The following TFEC variants were observed in gnomAD, a reference collection of about 807,000 sequenced individuals.
TFEC encodes the protein transcription factor EC, also known as class E basic helix-loop-helix protein 34.
TFEC carries 31 observed loss-of-function variants against 41.6 expected under a neutral mutation model. The observed-to-expected ratio is 0.74, with a 90% CI of 0.56 to 1.01. The LOEUF (loss-of-function observed/expected upper bound fraction) is 1.01, where lower values mean the gene tolerates loss of function less well. Ranked by LOEUF, TFEC falls within the 50% of genes least tolerant of loss-of-function variation. The probability of loss-of-function intolerance (pLI) is 0.00; values close to 1 mark genes in which losing one functional copy is unlikely to be tolerated. For missense variants in TFEC, 402 were observed against 404.1 expected, an observed-to-expected ratio of 0.99 and a Z score of 0.04; for synonymous variants, 143 against 140.6, an observed-to-expected ratio of 1.02 and a Z score of -0.12.
intron 3 of TFEC, among the ~76,000 whole-genome samples, chr7:116,071,962 T>C (rs1796839815): frequency 6.6e-6 from 1 of 151,510 alleles, no homozygotes; most frequent in Non-Finnish European, 1.5e-5. Flanking sequence ...CAGAAATACA[T>C]AAAAGACCTT....
chr7:115,953,447 G>T (rs181754402), intron 5 of TFEC, among the ~76,000 whole-genome samples: 4 of 152,116 alleles, frequency 2.6e-5, no homozygotes, highest in African/African-American at 9.6e-5. Flanking sequence ...TGTAGCAGGT[G>T]TATCTAGATT....
intron 3 of TFEC, among the ~76,000 whole-genome samples, chr7:115,960,088 C>T (rs1045907937): frequency 6.6e-6 from 1 of 150,728 alleles, no homozygotes; most frequent in African/African-American, 2.4e-5. Flanking sequence ...GACCTGCATT[C>T]AGATATATTA....
intron 3 of TFEC, among the ~76,000 whole-genome samples, chr7:116,050,246 AAAG>A (rs1235209542): frequency 1.3e-5 from 2 of 152,200 alleles, no homozygotes; most frequent in African/African-American, 4.8e-5. Context: ...CAAGACTAAT[AAAG>A]AAGAAAAGAG....
At chr7:116,002,009 C>T (rs1794617737) in intron 1 of TFEC, among the ~76,000 whole-genome samples, 1 of 152,022 alleles carries the variant, frequency 6.6e-6, no homozygotes, top group South Asian at 2.1e-4. Flanking sequence ...GCTTTTAATC[C>T]AAAAGACAGG....
At chr7:116,038,576 G>A (rs1440159651) in intron 3 of TFEC, among the ~76,000 whole-genome samples, 1 of 151,994 alleles carries the variant, frequency 6.6e-6, no homozygotes, top group Non-Finnish European at 1.5e-5. Flanking sequence ...ATTTCATGGA[G>A]GCTACCATCT....
At chr7:116,064,853 C>T (rs994679883) in intron 3 of TFEC, among the ~76,000 whole-genome samples, 3 of 152,068 alleles carry the variant, frequency 2.0e-5, no homozygotes, top group African/African-American at 7.2e-5. Flanking sequence ...CACAGGTACC[C>T]CTGAAAATAA....
intron 6 of TFEC, among the ~76,000 whole-genome samples, chr7:115,949,386 C>T (rs1458572288): frequency 6.6e-5 from 10 of 152,008 alleles, no homozygotes; most frequent in Non-Finnish European, 1.0e-4. Flanking sequence ...GAGCCTACAT[C>T]GCCAAGTCAA....
At chr7:116,073,055 T>C (rs1032281332) in intron 3 of TFEC, among the ~76,000 whole-genome samples, 4 of 151,594 alleles carry the variant, frequency 2.6e-5, no homozygotes, top group African/African-American at 9.7e-5. Context: ...ATACTATCTC[T>C]GTTTGTAGAT....
chr7:116,006,472 T>A (rs1293699040), intron 1 of TFEC, among the ~76,000 whole-genome samples: 1 of 152,236 alleles, frequency 6.6e-6, no homozygotes, highest in East Asian at 1.9e-4. Flanking sequence ...CAGATTTGCA[T>A]AGGGCCTGTA....
chr7:115,980,824 G>A (rs1793599133), intron 2 of TFEC, among the ~76,000 whole-genome samples: 1 of 151,682 alleles, frequency 6.6e-6, no homozygotes, highest in Non-Finnish European at 1.5e-5. Flanking sequence ...AAACCATAGT[G>A]CTGTTTAAAA....
intron 2 of TFEC, among the ~76,000 whole-genome samples, chr7:115,980,715 A>C (rs1321404970): frequency 6.6e-6 from 1 of 151,984 alleles, no homozygotes; most frequent in East Asian, 1.9e-4. Flanking sequence ...GTGCCACTGC[A>C]CTCCAGCCTG....
chr7:116,043,790 C>A (rs1188099698), intron 3 of TFEC, among the ~76,000 whole-genome samples: 2 of 152,132 alleles, frequency 1.3e-5, no homozygotes, highest in Admixed American at 1.3e-4. Flanking sequence ...TTAACATACA[C>A]TGAGAAATCC....
intron 3 of TFEC, among the ~76,000 whole-genome samples, chr7:116,068,077 T>C (rs1796736941): frequency 6.6e-6 from 1 of 151,918 alleles, no homozygotes; most frequent in South Asian, 2.1e-4. Flanking sequence ...TTGCTTGTTT[T>C]GAAAAGGAAT....
intron 1 of TFEC, among the ~76,000 whole-genome samples, chr7:116,154,743 A>C (rs1798832556): frequency 6.6e-6 from 1 of 152,154 alleles, no homozygotes; most frequent in Admixed American, 6.5e-5. Flanking sequence ...TGCAAACTCT[A>C]TCTTCTAGAA....
At chr7:116,099,885 A>G (rs1797565301) in intron 3 of TFEC, among the ~76,000 whole-genome samples, 1 of 152,246 alleles carries the variant, frequency 6.6e-6, no homozygotes, top group Non-Finnish European at 1.5e-5. Context: ...CCAATTGTGT[A>G]GTTGAGTGCT....
intron 1 of TFEC, among the ~76,000 whole-genome samples, chr7:116,010,902 C>T (rs1794977619): frequency 6.6e-6 from 1 of 152,078 alleles, no homozygotes; most frequent in African/African-American, 2.4e-5. Context: ...CCCTTTGATA[C>T]AGAAAACCTT....
intron 6 of TFEC, among the ~76,000 whole-genome samples, chr7:115,944,972 CGTT>C (rs1166940759): frequency 6.7e-6 from 1 of 149,816 alleles, no homozygotes; most frequent in African/African-American, 2.5e-5. Flanking sequence ...TTCCATGACT[CGTT>C]AATAGATATG....
At chr7:116,043,288 T>C (rs1796084218) in intron 3 of TFEC, among the ~76,000 whole-genome samples, 1 of 152,084 alleles carries the variant, frequency 6.6e-6, no homozygotes, top group Non-Finnish European at 1.5e-5. Flanking sequence ...TAAGAGAACA[T>C]TATTCTCTCA....
At chr7:116,148,902 GAA>G (rs375596657) in intron 1 of TFEC, among the ~76,000 whole-genome samples, 1 of 137,714 alleles carries the variant, frequency 7.3e-6, no homozygotes. Flanking sequence ...TGTAGATACA[GAA>G]AAAAAAAAAA....
Sources: gnomAD v4.1 joint callset for allele counts (sites outside exome capture counted in the v4.1 genomes callset) on GRCh38, gnomAD v4.1.1 for gene constraint, MANE v1.5 for transcripts, NCBI Gene and HGNC (gene_info 2026-07-23, HGNC 2026-07-21) for gene names.